Variants in TSHZ2 observed in about 807,000 individuals in gnomAD.
The protein encoded by TSHZ2 is teashirt homolog 2.
In TSHZ2, 21 loss-of-function variants were observed where a neutral mutation model predicts 74.4. That is an observed-to-expected ratio of 0.28 (90% CI 0.20 to 0.41). The LOEUF (loss-of-function observed/expected upper bound fraction) is 0.41, where lower values mean the gene tolerates loss of function less well. TSHZ2 is among the 10% of genes least tolerant of loss of function. The probability of loss-of-function intolerance (pLI) is 1.00; values close to 1 mark genes in which losing one functional copy is unlikely to be tolerated. For synonymous variants in TSHZ2, 540 were observed against 515.3 expected (o/e 1.05, Z -0.65); for missense variants, 1,244 against 1,293.5 (o/e 0.96, Z 0.59).
intron 2 of TSHZ2, among the ~76,000 whole-genome samples, chr20:53,348,895 G>C (rs1428117120): frequency 6.6e-6 from 1 of 152,192 alleles, no homozygotes; most frequent in East Asian, 1.9e-4. Context: ...TTCTTCAGGA[G>C]CTGCCTTCCG....
intron 1 of TSHZ2, among the ~76,000 whole-genome samples, chr20:53,024,639 C>G (rs554027618): frequency 4.3e-4 from 66 of 152,152 alleles, no homozygotes; most frequent in African/African-American, 1.5e-3. Flanking sequence ...AATGTTATCC[C>G]TCTCCTAGCC....
chr20:53,416,850 A>T (rs1436601902), intron 2 of TSHZ2, among the ~76,000 whole-genome samples: 3 of 152,244 alleles, frequency 2.0e-5, no homozygotes, highest in Non-Finnish European at 4.4e-5. Flanking sequence ...CCCAAATGTG[A>T]ACCTCTTTTT....
At chr20:53,035,280 C>G (rs1983778005) in intron 1 of TSHZ2, among the ~76,000 whole-genome samples, 2 of 152,146 alleles carry the variant, frequency 1.3e-5, no homozygotes, top group African/African-American at 4.8e-5. Context: ...TGAGACTGAT[C>G]TGGGGATCAG....
chr20:53,018,298 A>C (rs1041727966), intron 1 of TSHZ2, among the ~76,000 whole-genome samples: 3 of 152,198 alleles, frequency 2.0e-5, no homozygotes, highest in Non-Finnish European at 4.4e-5. Flanking sequence ...AGTTTTGTAG[A>C]CAATCACTGG....
chr20:53,100,019 C>T (rs887552668), intron 1 of TSHZ2, among the ~76,000 whole-genome samples: 1 of 152,178 alleles, frequency 6.6e-6, no homozygotes, highest in Non-Finnish European at 1.5e-5. Context: ...AGCAAGTACT[C>T]AGTGCCAGGG....
chr20:53,029,262 G>A (rs1983551447), intron 1 of TSHZ2, among the ~76,000 whole-genome samples: 1 of 152,042 alleles, frequency 6.6e-6, no homozygotes, highest in Non-Finnish European at 1.5e-5. Context: ...CCAAAACAAG[G>A]TATTATTGAC....
At chr20:52,994,006 A>G (rs1421836674) in intron 1 of TSHZ2, among the ~76,000 whole-genome samples, 1 of 152,234 alleles carries the variant, frequency 6.6e-6, no homozygotes, top group African/African-American at 2.4e-5. Context: ...AGAATAACAC[A>G]AAAGAGGCTT....
chr20:53,391,705 G>A (rs1982265753), intron 2 of TSHZ2, among the ~76,000 whole-genome samples: 1 of 152,204 alleles, frequency 6.6e-6, no homozygotes, highest in Non-Finnish European at 1.5e-5. Flanking sequence ...CACTTTGGGA[G>A]GCTGAGGTGG....
chr20:53,442,513 C>T (rs1037523145), intron 2 of TSHZ2, among the ~76,000 whole-genome samples: 1 of 152,230 alleles, frequency 6.6e-6, no homozygotes, highest in East Asian at 1.9e-4. Context: ...TAGGGAAATG[C>T]GGTGGTAATT....
chr20:53,361,065 G>T (rs925953431), intron 2 of TSHZ2, among the ~76,000 whole-genome samples: 1 of 152,014 alleles, frequency 6.6e-6, no homozygotes, highest in Non-Finnish European at 1.5e-5. Flanking sequence ...CCCGCTGCCC[G>T]CCCAGCCCCC....
At chr20:53,344,809 C>A (rs1177268409) in intron 2 of TSHZ2, among the ~76,000 whole-genome samples, 1 of 152,128 alleles carries the variant, frequency 6.6e-6, no homozygotes, top group African/African-American at 2.4e-5. Context: ...CACTTTCTCC[C>A]CTGCACAATA....
At chr20:53,286,141 T>C (rs1410726399) in intron 2 of TSHZ2, among the ~76,000 whole-genome samples, 1 of 152,244 alleles carries the variant, frequency 6.6e-6, no homozygotes, top group Admixed American at 6.5e-5. Context: ...TGTTTGGCCT[T>C]CCTGGATTCT....
chr20:53,334,538 G>A (rs1979862885), intron 2 of TSHZ2, among the ~76,000 whole-genome samples: 1 of 152,174 alleles, frequency 6.6e-6, no homozygotes, highest in Non-Finnish European at 1.5e-5. Context: ...TGTGGGGAGT[G>A]AAGGGTCCGA....
rs1222562725 is a variant in TSHZ2, at chr20:52,974,382, C to G, written c.40+1049C>G. Among the ~76,000 whole-genome samples, 7 of 152,276 alleles carry G rather than the reference C, an allele frequency of 4.6e-5. 1 individual carries two copies. The highest frequency in any genetic ancestry group is 4.6e-4 in the Admixed American group (7 of 15,306). On this transcript the variant is annotated intron_variant, in intron 1 of 2. Transcript: ENST00000371497. ...AACTCAGAGTGCCAGTGACGCAAAC[C>G]TTGCCCTCTATATTCAGAGCCAGAC...
chr20:53,207,748 C>T (rs892529237), intron 1 of TSHZ2, among the ~76,000 whole-genome samples: 1 of 151,888 alleles, frequency 6.6e-6, no homozygotes, highest in Non-Finnish European at 1.5e-5. Flanking sequence ...ACTGTCATAG[C>T]TTACTGCAGC....
At chr20:53,056,935 A>T (rs1337516308) in intron 1 of TSHZ2, among the ~76,000 whole-genome samples, 1 of 152,160 alleles carries the variant, frequency 6.6e-6, no homozygotes, top group Non-Finnish European at 1.5e-5. Context: ...TCCCCACCCA[A>T]ATCTCATCCT....
In TSHZ2 at chr20:53,358,161, C is replaced by A. The variant is rs560889775; in HGVS notation, c.*8+101590C>A. ...AAAGCAAGGATTTTCTCATTTGCCACCTAACATCCTTGTAATTTCCCAGTT... is the reference window on the plus strand; with the variant it reads ...AAAGCAAGGATTTTCTCATTTGCCAACTAACATCCTTGTAATTTCCCAGTT... On this transcript the variant is annotated intron_variant, in intron 2 of 2. Coordinates refer to ENST00000371497, the MANE Select transcript of TSHZ2 (RefSeq NM_173485.6). 2.0e-5 allele frequency among the ~76,000 whole-genome samples: 3 copies of A among 152,136 alleles called. No individual in the cohort carries two copies. In the East Asian group the frequency reaches 5.8e-4, roughly 29 times the overall value.
chr20:53,133,805 G>A lies in TSHZ2; in HGVS notation c.41-119694G>A, dbSNP rs1042160731. On this transcript the variant is annotated intron_variant, in intron 1 of 2. Transcript: ENST00000371497. ...TCTGTGTTCTTGATTTTTTCTTATC[G>A]ACATTCCTGACACTGGCTATGGGGT... Among the ~76,000 whole-genome samples the A allele has an allele frequency of 2.0e-5, 3 of 151,824 alleles. No individual in the cohort carries two copies. In the East Asian group the frequency reaches 5.8e-4, roughly 29 times the overall value.
At chr20:53,262,847 G>A (rs964108595) in intron 2 of TSHZ2, among the ~76,000 whole-genome samples, 4 of 152,222 alleles carry the variant, frequency 2.6e-5, no homozygotes, top group South Asian at 2.1e-4. Context: ...CAGTGTAAAT[G>A]TTATGTGAGG....
Sources: gnomAD v4.1 joint callset for allele counts (sites outside exome capture counted in the v4.1 genomes callset) on GRCh38, gnomAD v4.1.1 for gene constraint, MANE v1.5 for transcripts, NCBI Gene and HGNC (gene_info 2026-07-23, HGNC 2026-07-21) for gene names.